Variants in DOCK1 observed in about 807,000 individuals in gnomAD.
DOCK1 encodes dedicator of cytokinesis 1.
DOCK1 carries 138 observed loss-of-function variants against 262.7 expected under a neutral mutation model. The ratio of observed to expected loss-of-function variants is 0.53; its 90% CI spans 0.46 to 0.61. The LOEUF (loss-of-function observed/expected upper bound fraction) is 0.61, where lower values mean the gene tolerates loss of function less well. Ranked by LOEUF, DOCK1 falls within the 20% of genes least tolerant of loss-of-function variation. The pLI, the probability that DOCK1 is intolerant of heterozygous loss-of-function variation, is 0.00. For missense variants in DOCK1, 1,908 were observed against 2,370.7 expected (o/e 0.80, Z 4.05); for synonymous variants, 866 against 867.4 (o/e 1.00, Z 0.03).
intron 50 of DOCK1, 94 bp from the exon 51 acceptor site, chr10:127,447,300 C>G: frequency 7.9e-6 from 12 of 1,522,694 alleles, no homozygotes; most frequent in Non-Finnish European, 1.1e-5. Context: ...TTCTGCTGTG[C>G]CTGCCTCTCT....
chr10:126,915,659 G>C (rs143025198), intron 1 of DOCK1, among the ~76,000 whole-genome samples: 1 of 152,234 alleles, frequency 6.6e-6, no homozygotes, highest in South Asian at 2.1e-4. Flanking sequence ...CACTGTGTTA[G>C]CCAGGATGGT....
intron 27 of DOCK1, among the ~76,000 whole-genome samples, chr10:127,236,740 A>C (rs1355151530): frequency 6.6e-6 from 1 of 151,924 alleles, no homozygotes; most frequent in Non-Finnish European, 1.5e-5. Context: ...TTGTGACTTT[A>C]AAATATTCTT....
rs140327668 is a variant in DOCK1 at position 127,039,652 on chromosome 10, A to T, written c.2010+1836A>T. ...GAGCCTAGAGAGTGGAACTGACTTG[A>T]GGCCACGGGGCTGTTAATGGCCAGC... On this transcript the variant is annotated intron_variant, in intron 19 of 51. Coordinates refer to ENST00000623213, the MANE Select transcript of DOCK1 (RefSeq NM_001290223.2). Among the ~76,000 whole-genome samples the T allele has an allele frequency of 2.7e-3, 415 of 152,210 alleles. 1 individual carries two copies. The highest frequency in any genetic ancestry group is 8.8e-3 in the African/African-American group (364 of 41,538).
At position 127,446,261 on chromosome 10, in the gene DOCK1, AAAG is replaced by A. The variant is rs1318533416; in HGVS notation, c.5414-1130_5414-1128del. Among the ~76,000 whole-genome samples, 5 of 130,846 alleles carry A rather than the reference AAAG, an allele frequency of 3.8e-5. No homozygotes were observed. The highest frequency in any genetic ancestry group is 1.4e-4 in the African/African-American group (5 of 36,034). The allele number at this position is 130,846 out of a possible 152,430, so 85.8% of individuals were successfully genotyped here. On this transcript the variant is annotated intron_variant, in intron 50 of 51. Coordinates refer to ENST00000623213, the MANE Select transcript of DOCK1 (RefSeq NM_001290223.2). The surrounding 1 kb of genome is among the most constrained non-coding windows in gnomAD (Gnocchi z 4.4). ...CGAGACTCCATCCCAAACAAAAAGAAAAGAAAAAAAAAAAGAAAGTAGAATAGA... is the reference window on the plus strand; with the variant it reads ...CGAGACTCCATCCCAAACAAAAAGAAAAAAAAAAAAAGAAAGTAGAATAGA...
intron 27 of DOCK1, among the ~76,000 whole-genome samples, chr10:127,164,102 CG>C (rs1564856790): frequency 2.0e-5 from 3 of 147,332 alleles, no homozygotes; most frequent in Non-Finnish European, 4.5e-5. Context: ...AGGGGTCAGC[CG>C]GGCTCCCTCT....
chr10:127,015,719 G>A (rs912741215), intron 12 of DOCK1, among the ~76,000 whole-genome samples: 6 of 152,096 alleles, frequency 3.9e-5, no homozygotes, highest in African/African-American at 1.4e-4. Flanking sequence ...TGGCATTCAC[G>A]TCCTGCCAGC....
chr10:126,972,154 G>T (rs1206356464), intron 2 of DOCK1, among the ~76,000 whole-genome samples: 4 of 152,072 alleles, frequency 2.6e-5, no homozygotes, highest in Admixed American at 1.3e-4. Context: ...AACCTCAGGT[G>T]ATTTGCCCGC....
intron 25 of DOCK1, among the ~76,000 whole-genome samples, chr10:127,118,426 GAGTAATGGAAGTTTAATCCTT>G (rs1445100894): frequency 2.6e-5 from 4 of 152,150 alleles, no homozygotes; most frequent in Non-Finnish European, 5.9e-5. Flanking sequence ...GTTACTAACA[GAGTAATGGAAGTTTAATCCTT>G]AGTTTTCCAG....
intron 27 of DOCK1, among the ~76,000 whole-genome samples, chr10:127,201,690 C>G (rs1217023401): frequency 6.6e-6 from 1 of 152,098 alleles, no homozygotes; most frequent in Admixed American, 6.5e-5. Context: ...TCCCCTCTCC[C>G]CTCACAATCC....
At chr10:127,101,730 T>G (rs1012659139) in intron 23 of DOCK1, among the ~76,000 whole-genome samples, 2 of 152,174 alleles carry the variant, frequency 1.3e-5, no homozygotes, top group African/African-American at 4.8e-5. Flanking sequence ...CATAAAGGCC[T>G]GTCTTGTTTG....
intron 23 of DOCK1, among the ~76,000 whole-genome samples, chr10:127,083,963 T>C (rs1200254304): frequency 6.6e-6 from 1 of 152,224 alleles, no homozygotes. Context: ...TGTAAAAATA[T>C]TTATAATTTC....
At chr10:127,336,257 T>C (rs1463295927) in intron 29 of DOCK1, among the ~76,000 whole-genome samples, 1 of 152,200 alleles carries the variant, frequency 6.6e-6, no homozygotes, top group South Asian at 2.1e-4. Flanking sequence ...CATTTATGCA[T>C]GTCCTGGAAG....
At chr10:127,312,161 G>C (rs1480176484) in intron 29 of DOCK1, among the ~76,000 whole-genome samples, 1 of 152,174 alleles carries the variant, frequency 6.6e-6, no homozygotes, top group African/African-American at 2.4e-5. Flanking sequence ...TGATGCCTAA[G>C]AGCTGCCTAA....
intron 19 of DOCK1, among the ~76,000 whole-genome samples, chr10:127,039,200 TG>T (rs1376831606): frequency 6.6e-6 from 1 of 152,226 alleles, no homozygotes; most frequent in African/African-American, 2.4e-5. Flanking sequence ...TTCTCAGTCC[TG>T]GTGTTCTCCC....
intron 22 of DOCK1, 38 bp downstream of exon 22, chr10:127,052,853 G>T (rs41300568): frequency 0.067 from 106,124 of 1,578,236 alleles, 3,944 homozygotes; most frequent in East Asian, 0.12. Context: ...GCTCTCAGAG[G>T]ACTGGCAGGA....
chr10:127,096,930 C>A (rs1354205152), intron 23 of DOCK1, among the ~76,000 whole-genome samples: 1 of 151,898 alleles, frequency 6.6e-6, no homozygotes, highest in Non-Finnish European at 1.5e-5. Flanking sequence ...CATGGTGAAA[C>A]CCCGTCTCTA....
chr10:127,003,462 C>T (rs922975490), intron 10 of DOCK1, among the ~76,000 whole-genome samples: 14 of 152,286 alleles, frequency 9.2e-5, no homozygotes, highest in South Asian at 4.1e-4. Context: ...GTTGGGTTGC[C>T]GGGTCCTTTG....
intron 27 of DOCK1, among the ~76,000 whole-genome samples, chr10:127,205,317 G>A (rs982385362): frequency 2.0e-5 from 3 of 152,096 alleles, no homozygotes; most frequent in African/African-American, 7.2e-5. Flanking sequence ...CTCTGCTTCC[G>A]ACTCCAGCGT....
intron 48 of DOCK1, among the ~76,000 whole-genome samples, chr10:127,436,950 G>T (rs1029789521): frequency 6.6e-6 from 1 of 151,882 alleles, no homozygotes; most frequent in African/African-American, 2.4e-5. Context: ...TTTCTCCCTT[G>T]TAATTTATTT....
Sources: gnomAD v4.1 joint callset for allele counts (sites outside exome capture counted in the v4.1 genomes callset) on GRCh38, gnomAD v4.1.1 for gene constraint, Gnocchi (gnomAD v3.1) non-coding constraint, MANE v1.5 for transcripts, NCBI Gene and HGNC (gene_info 2026-07-23, HGNC 2026-07-21) for gene names.